ANGPT1: variants seen among roughly 807,000 people sequenced by gnomAD.
The protein encoded by ANGPT1 is angiopoietin 1, also known as angiopoietin-1.
ANGPT1 carries 17 observed loss-of-function variants against 62.2 expected under a neutral mutation model. That is an observed-to-expected ratio of 0.27 (90% CI 0.19 to 0.41). The LOEUF (loss-of-function observed/expected upper bound fraction) is 0.41, where lower values mean the gene tolerates loss of function less well. Among genes scored for constraint, ANGPT1 ranks in the 10% least tolerant of loss-of-function variants. The pLI is 1.00. For synonymous variants in ANGPT1, 199 were observed against 198.9 expected, an observed-to-expected ratio of 1.00 and a Z score of 0.00; for missense variants, 478 against 594.9, an observed-to-expected ratio of 0.80 and a Z score of 2.04.
chr8:107,449,327 T>G (rs1456581763), intron 1 of ANGPT1, among the ~76,000 whole-genome samples: 1 of 151,830 alleles, frequency 6.6e-6, no homozygotes, highest in African/African-American at 2.4e-5. Flanking sequence ...TTTCAATCTA[T>G]AGTAGGCAGA....
intron 1 of ANGPT1, among the ~76,000 whole-genome samples, chr8:107,450,945 A>T (rs1269468836): frequency 2.0e-5 from 3 of 151,804 alleles, no homozygotes; most frequent in Non-Finnish European, 4.4e-5. Flanking sequence ...CAGATGAGGC[A>T]ATGTATGACT....
intron 1 of ANGPT1, among the ~76,000 whole-genome samples, chr8:107,377,289 A>G (rs1816548222): frequency 2.0e-5 from 3 of 152,192 alleles, no homozygotes; most frequent in Admixed American, 1.3e-4. Flanking sequence ...AACATACTGG[A>G]CATTTTTTGG....
At chr8:107,292,166 C>A (rs1461734377) in intron 6 of ANGPT1, among the ~76,000 whole-genome samples, 1 of 152,116 alleles carries the variant, frequency 6.6e-6, no homozygotes, top group East Asian at 1.9e-4. Context: ...CTATCACCTA[C>A]CTCCATCCAG....
intron 2 of ANGPT1, among the ~76,000 whole-genome samples, chr8:107,339,502 C>T (rs1815648835): frequency 6.6e-6 from 1 of 152,180 alleles, no homozygotes; most frequent in Non-Finnish European, 1.5e-5. Context: ...TTCTTCTCAT[C>T]ATCTTAGAGA....
intron 5 of ANGPT1, among the ~76,000 whole-genome samples, chr8:107,302,041 G>T (rs1282754533): frequency 6.6e-6 from 1 of 151,928 alleles, no homozygotes; most frequent in Admixed American, 6.6e-5. Flanking sequence ...CTGCATGGAA[G>T]TGTTGATATT....
At chr8:107,378,115 G>C (rs1431385203) in intron 1 of ANGPT1, among the ~76,000 whole-genome samples, 2 of 152,156 alleles carry the variant, frequency 1.3e-5, no homozygotes, top group Non-Finnish European at 2.9e-5. Context: ...ATTTGAAGCA[G>C]AATTCAGATA....
intron 1 of ANGPT1, among the ~76,000 whole-genome samples, chr8:107,403,439 C>T (rs1563607259): frequency 6.6e-6 from 1 of 152,032 alleles, no homozygotes; most frequent in Non-Finnish European, 1.5e-5. Flanking sequence ...GAGGGAGAGG[C>T]TAATTACACT....
intron 8 of ANGPT1, among the ~76,000 whole-genome samples, chr8:107,261,238 A>AG (rs1813482863): frequency 6.6e-6 from 1 of 150,680 alleles, no homozygotes; most frequent in Non-Finnish European, 1.5e-5. Context: ...ATTTTCTATC[A>AG]GGAAAAAGCT....
intron 2 of ANGPT1, among the ~76,000 whole-genome samples, chr8:107,341,672 A>G (rs1205737176): frequency 2.7e-5 from 4 of 149,868 alleles, no homozygotes; most frequent in Non-Finnish European, 4.4e-5. Context: ...ACCCTATATT[A>G]TATTTATAAT....
chr8:107,354,218 C>T (rs1459983542), intron 1 of ANGPT1, among the ~76,000 whole-genome samples: 1 of 152,170 alleles, frequency 6.6e-6, no homozygotes. Flanking sequence ...TCTTCTACAC[C>T]TACCTTCTCA....
intron 3 of ANGPT1, among the ~76,000 whole-genome samples, chr8:107,327,373 C>G (rs1343036057): frequency 6.6e-6 from 1 of 152,038 alleles, no homozygotes; most frequent in Non-Finnish European, 1.5e-5. Context: ...AACACTGCAG[C>G]CCCAGTGTCC....
At chr8:107,253,530 T>C (rs1216210303) in intron 8 of ANGPT1, among the ~76,000 whole-genome samples, 1 of 152,212 alleles carries the variant, frequency 6.6e-6, no homozygotes, top group African/African-American at 2.4e-5. Context: ...CTTGAAGCAC[T>C]TTTCCATTGC....
intron 1 of ANGPT1, among the ~76,000 whole-genome samples, chr8:107,356,819 G>A (rs934581483): frequency 4.6e-5 from 7 of 152,130 alleles, no homozygotes; most frequent in East Asian, 1.9e-4. Flanking sequence ...ACACACATGC[G>A]GCAAGGGCAC....
chr8:107,360,510 GC>G (rs1164905094), intron 1 of ANGPT1, among the ~76,000 whole-genome samples: 1 of 152,068 alleles, frequency 6.6e-6, no homozygotes, highest in African/African-American at 2.4e-5. Flanking sequence ...TTACAAACAG[GC>G]CCTTTGCTGC....
intron 1 of ANGPT1, among the ~76,000 whole-genome samples, chr8:107,371,266 G>A (rs983491154): frequency 6.6e-6 from 1 of 152,204 alleles, no homozygotes; most frequent in Non-Finnish European, 1.5e-5. Context: ...GTGTGGACTA[G>A]AGTCTACTGA....
intron 3 of ANGPT1, among the ~76,000 whole-genome samples, chr8:107,333,065 T>C (rs1433125139): frequency 6.6e-6 from 1 of 152,174 alleles, no homozygotes; most frequent in Non-Finnish European, 1.5e-5. Context: ...CCTAATTCCA[T>C]TGCACATATG....
intron 1 of ANGPT1, among the ~76,000 whole-genome samples, chr8:107,370,819 A>C (rs10100823): frequency 0.74 from 112,384 of 151,052 alleles, 42,667 homozygotes; most frequent in East Asian, 0.87. Flanking sequence ...AATCACAAAT[A>C]ACCATAACAG....
chr8:107,407,843 C>T (rs1817180939), intron 1 of ANGPT1, among the ~76,000 whole-genome samples: 1 of 152,084 alleles, frequency 6.6e-6, no homozygotes, highest in Non-Finnish European at 1.5e-5. Flanking sequence ...TTGCATCTTG[C>T]TAGTTGTTCC....
chr8:107,347,114 A>T lies in ANGPT1; in HGVS notation c.298-17T>A. On this transcript the variant is annotated splice_polypyrimidine_tract_variant and intron_variant, in intron 1 of 8. Transcript: ENST00000517746. ...ATTCTCAAGCTGCAAGAGATAAAGAACAAAACATATTACATTATAAGCAAG... is the reference window on the plus strand; with the variant it reads ...ATTCTCAAGCTGCAAGAGATAAAGATCAAAACATATTACATTATAAGCAAG... The T allele has an allele frequency of 6.2e-7, 1 of 1,610,520 alleles. No individual in the cohort carries two copies. Among genetic ancestry groups the T allele is most frequent in the Admixed American group, 1.7e-5 (1 of 59,648 alleles).
Sources: allele counts gnomAD v4.1 joint callset (sites outside exome capture counted in the v4.1 genomes callset), GRCh38; gene constraint gnomAD v4.1.1; transcripts MANE v1.5; gene names NCBI Gene and HGNC (gene_info 2026-07-23, HGNC 2026-07-21).